The following REEP5 variants were observed in gnomAD, a reference collection of about 807,000 sequenced individuals.
The protein encoded by REEP5 is receptor expression-enhancing protein 5.
REEP5 carries 24 observed loss-of-function variants against 22.4 expected under a neutral mutation model. The observed-to-expected ratio is 1.07, with a 90% confidence interval of 0.78 to 1.51. The LOEUF (loss-of-function observed/expected upper bound fraction) is 1.51, where lower values mean the gene tolerates loss of function less well. Ranked by LOEUF, REEP5 falls within the 40% of genes most tolerant of loss-of-function variation. The pLI is 0.00. For synonymous variants in REEP5, 103 were observed against 88.6 expected (o/e 1.16, Z -0.92); for missense variants, 252 against 233.0 (o/e 1.08, Z -0.53).
chr5:112,917,240 A>G (rs1267235546), intron 2 of REEP5, among the ~76,000 whole-genome samples: 1 of 152,214 alleles, frequency 6.6e-6, no homozygotes, highest in Non-Finnish European at 1.5e-5. Flanking sequence ...TAATCTTTCT[A>G]ACATTGGCAC....
chr5:112,886,813 G>A (rs1464014120), intron 4 of REEP5, among the ~76,000 whole-genome samples: 1 of 152,192 alleles, frequency 6.6e-6, no homozygotes, highest in African/African-American at 2.4e-5. Context: ...TACATTAAAT[G>A]TGGCATGGAG....
Position 112,877,102 on chromosome 5 carries a change from T to TTTTG in REEP5, c.*1680_*1683dup, listed in dbSNP as rs1167275635. The TTTTG allele has an allele frequency of 8.5e-5, 13 of 152,150 alleles. No homozygotes were observed. Among genetic ancestry groups the TTTTG allele is most frequent in the Non-Finnish European group, 1.8e-4 (12 of 68,014 alleles). The allele number at this position is 152,150 out of a possible 1,614,324, so 9.4% of individuals were successfully genotyped here. On this transcript the variant is annotated 3_prime_UTR_variant, in exon 5 of 5. Coordinates refer to ENST00000379638, the MANE Select transcript of REEP5 (RefSeq NM_005669.5). ...AAAGTTGATTTTCTCCCAAGAACAA[T>TTTTG]TTTGTTTGCTTTCTACAAAGTTTTA...
rs1197025146 is a variant in REEP5 at position 112,917,129 on chromosome 5, C to CT, written c.212+4033dup. ...AAGATTAAATATATAGTGCTGGACT[C>CT]TCGTCTTGAACTCCTGGCCTCAAGC... On this transcript the variant is annotated intron_variant, in intron 2 of 4. Coordinates refer to ENST00000379638, the MANE Select transcript of REEP5 (RefSeq NM_005669.5). Among the ~76,000 whole-genome samples the CT allele has an allele frequency of 2.6e-4, 40 of 152,338 alleles. 1 individual carries two copies. The highest frequency in any genetic ancestry group is 1.5e-5 in the Non-Finnish European group (1 of 68,034).
chr5:112,917,019 A>G (rs1057373815), intron 2 of REEP5, among the ~76,000 whole-genome samples: 1 of 152,254 alleles, frequency 6.6e-6, no homozygotes, highest in African/African-American at 2.4e-5. Context: ...ACCAGCAGCA[A>G]AAGTTTAAAA....
intron 2 of REEP5, among the ~76,000 whole-genome samples, chr5:112,916,575 G>C (rs1048221300): frequency 3.9e-5 from 6 of 152,202 alleles, no homozygotes; most frequent in African/African-American, 1.4e-4. Flanking sequence ...TACCTTATTT[G>C]AGAGGAAAAA....
At chr5:112,897,386 CACACACACAA>C in intron 3 of REEP5, 1 of 143,660 alleles carries the variant, frequency 7.0e-6, no homozygotes, top group South Asian at 2.2e-4. Context: ...CACACACACA[CACACACACAA>C]ATGTAAACAG....
intron 2 of REEP5, among the ~76,000 whole-genome samples, chr5:112,904,909 A>G (rs946569228): frequency 3.3e-5 from 5 of 152,202 alleles, no homozygotes; most frequent in African/African-American, 1.2e-4. Flanking sequence ...ATATAGTAAC[A>G]TTGAAAAGTA....
At chr5:112,916,784 C>T (rs1769242090) in intron 2 of REEP5, among the ~76,000 whole-genome samples, 1 of 152,208 alleles carries the variant, frequency 6.6e-6, no homozygotes, top group South Asian at 2.1e-4. Context: ...GTTTCATCAT[C>T]TGCTAGTTGT....
At chr5:112,903,253 T>C (rs771538560) in intron 2 of REEP5, among the ~76,000 whole-genome samples, 24 of 152,242 alleles carry the variant, frequency 1.6e-4, no homozygotes, top group Non-Finnish European at 3.2e-4. Context: ...GCTCCACAAT[T>C]TCTTATCCTA....
Position 112,912,624 on chromosome 5 carries a change from T to C in REEP5, c.212+8539A>G, listed in dbSNP as rs560903424. On this transcript the variant is annotated intron_variant, in intron 2 of 4. Transcript: ENST00000379638. ...ATATTCCAGAGGTTAAGATAGGTTC[T>C]TTGGAAATTGAATATGAAGAACATG... 3.9e-5 allele frequency among the ~76,000 whole-genome samples: 6 copies of C among 152,270 alleles called. No homozygotes were observed. In the South Asian group the frequency reaches 1.2e-3, roughly 32 times the overall value.
chr5:112,877,035 A>T lies in REEP5; in HGVS notation c.*1751T>A, dbSNP rs2150031279. On this transcript the variant is annotated 3_prime_UTR_variant, in exon 5 of 5. Coordinates refer to ENST00000379638, the MANE Select transcript of REEP5 (RefSeq NM_005669.5). ...AAACTGTACTTTTATTTATGGGAAAAGGATTTAAATACTCCTAGATACTTA... is the reference window on the plus strand; with the variant it reads ...AAACTGTACTTTTATTTATGGGAAATGGATTTAAATACTCCTAGATACTTA... 1 of 152,156 alleles carries T rather than the reference A, an allele frequency of 6.6e-6. No individual in the cohort carries two copies. The highest frequency in any genetic ancestry group is 2.1e-4 in the South Asian group (1 of 4,806). The allele number at this position is 152,156 out of a possible 1,614,324, so 9.4% of individuals were successfully genotyped here. A position where few individuals can be genotyped will look rare whatever the true frequency, so the allele number is the denominator to read the frequency against.
rs1019979922 is a variant in REEP5 at position 112,877,632 on chromosome 5, G to A, written c.*1154C>T. The A allele has an allele frequency of 6.6e-6, 1 of 152,144 alleles. No homozygotes were observed. The highest frequency in any genetic ancestry group is 1.5e-5 in the Non-Finnish European group (1 of 68,028). 9.4% of individuals were successfully genotyped at this position (152,144 alleles called of 1,614,324 possible). A position where few individuals can be genotyped will look rare whatever the true frequency, so the allele number is the denominator to read the frequency against. On this transcript the variant is annotated 3_prime_UTR_variant, in exon 5 of 5. Coordinates refer to ENST00000379638, the MANE Select transcript of REEP5 (RefSeq NM_005669.5). ...TGACCTTAAAGGCCAGAGAAAAACT[G>A]AAGATAGATTGACTTAACTATTGCC...
At chr5:112,908,245 C>T (rs961745489) in intron 2 of REEP5, among the ~76,000 whole-genome samples, 1 of 151,228 alleles carries the variant, frequency 6.6e-6, no homozygotes, top group Non-Finnish European at 1.5e-5. Flanking sequence ...GGATTACAGG[C>T]ACCTGCCACC....
chr5:112,892,860 T>A (rs768480309), intron 3 of REEP5: 1 of 1,612,576 alleles, frequency 6.2e-7, no homozygotes, highest in African/African-American at 1.3e-5. Context: ...AGAGTAGTCA[T>A]AGGGGGAAGA....
rs556525860 is a variant in REEP5, at chr5:112,889,309, A to G, written c.352-2126T>C. On this transcript the variant is annotated intron_variant, in intron 3 of 4. Coordinates refer to ENST00000379638, the MANE Select transcript of REEP5 (RefSeq NM_005669.5). ...CCCCAAAACTATAGCTGTATGCTTA[A>G]GAAACATACCTACAACAAAACCAAA... is the stretch of plus-strand genomic sequence containing the variant. Among the ~76,000 whole-genome samples the G allele has an allele frequency of 2.0e-5, 3 of 151,100 alleles. 1 individual carries two copies. In the East Asian group the frequency reaches 6.0e-4, roughly 30 times the overall value.
At chr5:112,918,634 A>G (rs1769283227) in intron 2 of REEP5, among the ~76,000 whole-genome samples, 1 of 152,182 alleles carries the variant, frequency 6.6e-6, no homozygotes, top group African/African-American at 2.4e-5. Flanking sequence ...TTAAAATATA[A>G]ATCGTATCAT....
At chr5:112,892,089 T>C (rs1389883723) in intron 3 of REEP5, 2 of 1,612,118 alleles carry the variant, frequency 1.2e-6, no homozygotes, top group Admixed American at 1.7e-5. Flanking sequence ...AGGCTGAAAA[T>C]GATTTAGAAA....
intron 3 of REEP5, among the ~76,000 whole-genome samples, chr5:112,888,481 G>A (rs1278716281): frequency 6.6e-6 from 1 of 152,166 alleles, no homozygotes; most frequent in Non-Finnish European, 1.5e-5. Context: ...GGAGTGCAGT[G>A]GCATGAACAT....
chr5:112,892,280 T>A (rs1317976252), intron 3 of REEP5: 1 of 1,613,950 alleles, frequency 6.2e-7, no homozygotes, highest in Non-Finnish European at 8.5e-7. Flanking sequence ...TTTACAACGT[T>A]TGGAATGGAG....
Sources: allele counts gnomAD v4.1 joint callset (sites outside exome capture counted in the v4.1 genomes callset), GRCh38; gene constraint gnomAD v4.1.1; transcripts MANE v1.5; gene names NCBI Gene and HGNC (gene_info 2026-07-23, HGNC 2026-07-21).